Variants in ABCC1 observed in about 807,000 individuals in gnomAD.
ABCC1 encodes ATP binding cassette subfamily C member 1 (ABCC1 blood group).
A neutral mutation model predicts 172.9 loss-of-function variants in ABCC1; 83 were observed. That is an observed-to-expected ratio of 0.48 (90% CI 0.40 to 0.58). The LOEUF is 0.58. Among genes scored for constraint, ABCC1 ranks in the 20% least tolerant of loss-of-function variants. The probability of loss-of-function intolerance (pLI) is 0.00; values close to 1 mark genes in which losing one functional copy is unlikely to be tolerated. For synonymous variants in ABCC1, 937 were observed against 825.2 expected, an observed-to-expected ratio of 1.14 and a Z score of -2.32; for missense variants, 1,817 against 2,002.7, an observed-to-expected ratio of 0.91 and a Z score of 1.77.
intron 1 of ABCC1, among the ~76,000 whole-genome samples, chr16:15,965,859 T>G (rs1307373666): frequency 1.3e-5 from 2 of 152,120 alleles, no homozygotes; most frequent in Admixed American, 1.3e-4. Flanking sequence ...CGTGCTGGGA[T>G]TACAGGCGAG....
rs559126399 is a variant in ABCC1 at position 16,061,049 on chromosome 16, G to A, written c.1677+4754G>A. ...AAGCAATTCTCCTGCCTCAGCGTCC[G>A]AGTAGCTGGGAGTACAGGCGCACGC... On this transcript the variant is annotated intron_variant, in intron 12 of 30. Transcript: ENST00000399410. Among the ~76,000 whole-genome samples, 15 of 151,976 alleles carry A rather than the reference G, an allele frequency of 9.9e-5. No homozygotes were observed. The East Asian group carries it at 2.1e-3, about 22-fold the overall frequency.
intron 15 of ABCC1, among the ~76,000 whole-genome samples, chr16:16,076,874 A>G (rs958078425): frequency 1.3e-5 from 2 of 152,048 alleles, no homozygotes; most frequent in Non-Finnish European, 2.9e-5. Flanking sequence ...CCTGCTTCTT[A>G]TTGACCCAGA....
Position 16,019,498 on chromosome 16 carries a change from T to C in ABCC1, c.615+2877T>C, listed in dbSNP as rs141036228. ...ATTGCTCAGGGTAAACAGAGTCTGG[T>C]TGGGGCTGCCTGGCTGGCGTGGGGA... On this transcript the variant is annotated intron_variant, in intron 5 of 30. Coordinates refer to ENST00000399410, the MANE Select transcript of ABCC1 (RefSeq NM_004996.4). Among the ~76,000 whole-genome samples, 11 of 152,182 alleles carry C rather than the reference T, an allele frequency of 7.2e-5. No homozygotes were observed. The East Asian group carries it at 7.7e-4, about 11-fold the overall frequency.
intron 1 of ABCC1, among the ~76,000 whole-genome samples, chr16:15,973,197 A>G (rs1005830970): frequency 6.6e-6 from 1 of 152,162 alleles, no homozygotes; most frequent in African/African-American, 2.4e-5. Flanking sequence ...CAGGTTGGTT[A>G]TATTTATGTG....
intron 12 of ABCC1, among the ~76,000 whole-genome samples, chr16:16,057,548 A>T (rs1041655984): frequency 4.0e-5 from 6 of 151,512 alleles, no homozygotes; most frequent in Admixed American, 2.6e-4. Flanking sequence ...AAAAAAAAAA[A>T]TACAGAAAGA....
intron 1 of ABCC1, among the ~76,000 whole-genome samples, chr16:15,987,266 G>A (rs17501011): frequency 0.029 from 4,344 of 152,344 alleles, 81 homozygotes; most frequent in Non-Finnish European, 0.044. Context: ...TCTGGCTCAT[G>A]TTTAACAAAG....
At chr16:16,085,710 G>A (rs2050979855) in intron 17 of ABCC1, among the ~76,000 whole-genome samples, 1 of 152,226 alleles carries the variant, frequency 6.6e-6, no homozygotes, top group African/African-American at 2.4e-5. Context: ...AACCTGGGAA[G>A]CGGAGATTAC....
In ABCC1 at chr16:16,141,162, C is replaced by G. The variant is rs1453691008; in HGVS notation, c.4488-11C>G. The stretch of plus-strand genomic sequence containing the variant: ...CCCCTTCCCCTCATGTCTGTATCCC[C>G]TCTCCCTCAGGGTGATCGTCTTGGA... On this transcript the variant is annotated splice_polypyrimidine_tract_variant and intron_variant, in intron 30 of 30. Coordinates refer to ENST00000399410, the MANE Select transcript of ABCC1 (RefSeq NM_004996.4). 1.2e-6 allele frequency: 2 copies of G among 1,612,856 alleles called. No homozygotes were observed. Among genetic ancestry groups the G allele is most frequent in the East Asian group, 2.2e-5 (1 of 44,882 alleles).
At chr16:16,065,384 C>T (rs532820953) in intron 12 of ABCC1, among the ~76,000 whole-genome samples, 1 of 152,238 alleles carries the variant, frequency 6.6e-6, no homozygotes, top group Non-Finnish European at 1.5e-5. Context: ...CCTCAGCCTC[C>T]CTAGTAGCTA....
intron 19 of ABCC1, chr16:16,098,942 A>G: frequency 1.1e-5 from 15 of 1,348,664 alleles, no homozygotes; most frequent in Non-Finnish European, 1.5e-5. Context: ...GGCTCATAGA[A>G]TGAGGCCAGA....
chr16:15,978,251 C>A (rs1285496659), intron 1 of ABCC1, among the ~76,000 whole-genome samples: 1 of 151,980 alleles, frequency 6.6e-6, no homozygotes, highest in African/African-American at 2.4e-5. Flanking sequence ...GTGGTTCTAA[C>A]TAGTTTGGAG....
rs2052126662 is a variant in ABCC1 at position 16,106,657 on chromosome 16, C to G, written c.2736-81C>G. The G allele has an allele frequency of 1.9e-6, 3 of 1,577,338 alleles. No homozygotes were observed. The African/African-American group carries it at 4.0e-5, about 21-fold the overall frequency. The stretch of plus-strand genomic sequence containing the variant: ...TCTCTTATGCCATGGTTCAGACCCA[C>G]AATAGCAGTCCCAGCAGGGAGCCCT... On this transcript the variant is annotated intron_variant, in intron 20 of 30. Transcript: ENST00000399410.
rs944688359 is a variant in ABCC1 at position 16,141,200 on chromosome 16, C to T, written c.4515C>T (p.Ile1505=). 6.2e-7 allele frequency: 1 copy of T among 1,613,946 alleles called. No homozygotes were observed. The part of the protein sequence containing the change: ...TRVIVLDKGE[I]QEYGAPSDLL... Reference sequence around the variant, plus strand: ...TGATCGTCTTGGACAAAGGAGAAATCCAGGAGTACGGCGCCCCATCGGACC... The same window carrying T: ...TGATCGTCTTGGACAAAGGAGAAATTCAGGAGTACGGCGCCCCATCGGACC... Residue 1505 remains isoleucine, a synonymous_variant, in exon 31 of 31, where the codon ATC becomes ATT. Transcript: ENST00000399410.
Position 16,098,728 on chromosome 16 carries a change from C to T in ABCC1, c.2645-3899C>T, listed in dbSNP as rs926702043. On this transcript the variant is annotated intron_variant, in intron 19 of 30. Coordinates refer to ENST00000399410, the MANE Select transcript of ABCC1 (RefSeq NM_004996.4). The stretch of plus-strand genomic sequence containing the variant: ...AGCACGTGTGGGATGGGGAAACTGA[C>T]GCACAAATGGAGCAGACCCTTCAGC... The T allele has an allele frequency of 1.6e-4, 101 of 645,058 alleles. 2 individuals are homozygous for T. The Admixed American group carries it at 1.7e-3, about 11-fold the overall frequency. The allele number at this position is 645,058 out of a possible 1,614,324, so 40.0% of individuals were successfully genotyped here. A position where few individuals can be genotyped will look rare whatever the true frequency, so the allele number is the denominator to read the frequency against.
intron 1 of ABCC1, among the ~76,000 whole-genome samples, chr16:15,983,942 G>A (rs1357696947): frequency 6.6e-6 from 1 of 152,106 alleles, no homozygotes; most frequent in African/African-American, 2.4e-5. Context: ...TGTGTGTCTT[G>A]AGGTCATCAA....
intron 24 of ABCC1, among the ~76,000 whole-genome samples, chr16:16,124,385 G>GTGTGTGTA (rs2045332008): frequency 9.2e-6 from 1 of 109,112 alleles, no homozygotes; most frequent in African/African-American, 3.0e-5. Flanking sequence ...GGCTGTGTGT[G>GTGTGTGTA]TGTGTGTGTG....
intron 15 of ABCC1, among the ~76,000 whole-genome samples, chr16:16,078,333 A>G (rs1040283762): frequency 6.6e-6 from 1 of 152,122 alleles, no homozygotes; most frequent in Non-Finnish European, 1.5e-5. Context: ...GACCTGCCCC[A>G]TTGACAGCCG....
intron 19 of ABCC1, 86 bp from the exon 20 acceptor site, chr16:16,102,541 C>T: frequency 1.0e-5 from 13 of 1,263,048 alleles, no homozygotes; most frequent in Non-Finnish European, 1.5e-5. Context: ...GTGGTCTCCT[C>T]ACTGAAGTGG....
intron 8 of ABCC1, 109 bp from the exon 9 acceptor site, chr16:16,045,726 GT>G (rs1292225092): frequency 9.4e-7 from 1 of 1,060,416 alleles, no homozygotes; most frequent in Non-Finnish European, 1.4e-6. Flanking sequence ...TGAAGTGATA[GT>G]GTCTAGCTCA....
Sources: allele counts gnomAD v4.1 joint callset (sites outside exome capture counted in the v4.1 genomes callset), GRCh38; gene constraint gnomAD v4.1.1; transcripts MANE v1.5; gene names NCBI Gene and HGNC (gene_info 2026-07-23, HGNC 2026-07-21).